The following DPYD variants were observed in gnomAD, a reference collection of about 807,000 sequenced individuals.
The protein encoded by DPYD is dihydropyrimidine dehydrogenase [NADP(+)].
DPYD carries 109 observed loss-of-function variants against 116.2 expected under a neutral mutation model. That is an observed-to-expected ratio of 0.94 (90% CI 0.80 to 1.10). The LOEUF is 1.10. DPYD is among the 50% of genes least tolerant of loss of function. The pLI is 0.00. For missense variants in DPYD, 1,302 were observed against 1,254.5 expected (o/e 1.04, Z -0.57); for synonymous variants, 440 against 432.0 (o/e 1.02, Z -0.23).
rs754745863 is a variant in DPYD at position 97,679,174 on chromosome 1, G to A, written c.771C>T (p.Cys257=). The A allele has an allele frequency of 5.3e-5, 82 of 1,553,110 alleles. No homozygotes were observed. The highest frequency in any genetic ancestry group is 4.1e-4 in the East Asian group (18 of 44,092). ...TTTCATTCACTGAAAGGCTTTTACC[G>A]CAAATTATCTATAAGAAACAATATT... ...LMKDLGVKII[C]GKSLSVNEMT... is the part of the protein sequence containing the mutation. Residue 257 remains cysteine (C), a synonymous_variant, in exon 8 of 23, where the codon TGC becomes TGT. Coordinates refer to ENST00000370192, the MANE Select transcript of DPYD (RefSeq NM_000110.4).
intron 2 of DPYD, among the ~76,000 whole-genome samples, chr1:97,865,569 T>A (rs1316675329): frequency 6.6e-6 from 1 of 151,966 alleles, no homozygotes; most frequent in Non-Finnish European, 1.5e-5. Context: ...CACAGTTCCA[T>A]TCTTCTCACA....
chr1:97,520,226 C>CA (rs992940699), intron 12 of DPYD, among the ~76,000 whole-genome samples: 1 of 151,844 alleles, frequency 6.6e-6, no homozygotes, highest in African/African-American at 2.4e-5. Flanking sequence ...CATTTATATG[C>CA]AAAAAAATAC....
intron 1 of DPYD, among the ~76,000 whole-genome samples, chr1:97,892,439 A>G (rs1200547060): frequency 6.6e-6 from 1 of 151,818 alleles, no homozygotes; most frequent in Admixed American, 6.6e-5. Context: ...TCACAAAGGT[A>G]TCTTTGGTTC....
chr1:97,090,942 A>T (rs1241650675), intron 21 of DPYD, among the ~76,000 whole-genome samples: 3 of 152,194 alleles, frequency 2.0e-5, no homozygotes, highest in Middle Eastern at 3.2e-3. Flanking sequence ...TGATTGACTG[A>T]TATTGAAACT....
intron 3 of DPYD, among the ~76,000 whole-genome samples, chr1:97,778,928 T>A (rs1025337868): frequency 6.6e-6 from 1 of 152,250 alleles, no homozygotes; most frequent in Middle Eastern, 3.4e-3. Flanking sequence ...ATGGTTAGCA[T>A]TGAAACATAC....
chr1:97,899,551 T>C (rs1258505985), intron 1 of DPYD, among the ~76,000 whole-genome samples: 2 of 151,872 alleles, frequency 1.3e-5, no homozygotes, highest in Non-Finnish European at 2.9e-5. Context: ...GAGGTGGTCT[T>C]GGAACCCCCA....
chr1:97,567,322 CT>C (rs112076507), intron 11 of DPYD, among the ~76,000 whole-genome samples: 66 of 147,762 alleles, frequency 4.5e-4, no homozygotes, highest in East Asian at 3.6e-3. Flanking sequence ...ATTTAAAAAC[CT>C]TTTTTTTTTT....
chr1:97,707,687 G>A (rs142103605), intron 5 of DPYD, among the ~76,000 whole-genome samples: 7 of 152,038 alleles, frequency 4.6e-5, no homozygotes, highest in Admixed American at 3.9e-4. Flanking sequence ...GTAGCAAACT[G>A]AGCAGACTAA....
At chr1:97,702,037 C>T (rs984115583) in intron 5 of DPYD, among the ~76,000 whole-genome samples, 3 of 151,658 alleles carry the variant, frequency 2.0e-5, no homozygotes, top group African/African-American at 4.8e-5. Context: ...CTTCCCTGTG[C>T]TATCCAAACA....
At chr1:97,371,928 C>A (rs763262163) in intron 16 of DPYD, among the ~76,000 whole-genome samples, 1 of 152,050 alleles carries the variant, frequency 6.6e-6, no homozygotes, top group Non-Finnish European at 1.5e-5. Context: ...TTAATGATAT[C>A]TCTGATTGCA....
intron 7 of DPYD, among the ~76,000 whole-genome samples, chr1:97,690,991 T>TA (rs533261997): frequency 6.4e-4 from 98 of 152,286 alleles, no homozygotes; most frequent in African/African-American, 2.2e-3. Context: ...TGCATATACT[T>TA]ACAGCATGTA....
chr1:97,127,238 C>T (rs763991787), intron 20 of DPYD, among the ~76,000 whole-genome samples: 6 of 152,100 alleles, frequency 3.9e-5, no homozygotes, highest in South Asian at 4.1e-4. Context: ...AAGAGGAAAA[C>T]AGAACATGGA....
intron 5 of DPYD, chr1:97,700,321 C>A (rs1001075696): frequency 2.2e-5 from 10 of 454,562 alleles, no homozygotes; most frequent in African/African-American, 1.0e-4. Context: ...AAATAAAGTA[C>A]AGAAGAGTGA....
intron 11 of DPYD, among the ~76,000 whole-genome samples, chr1:97,565,162 T>C (rs1652428776): frequency 6.6e-6 from 1 of 152,142 alleles, no homozygotes; most frequent in Non-Finnish European, 1.5e-5. Flanking sequence ...GATCATACCC[T>C]GTGACTGAAT....
At chr1:97,173,258 A>T (rs138068166) in intron 20 of DPYD, among the ~76,000 whole-genome samples, 113 of 147,822 alleles carry the variant, frequency 7.6e-4, no homozygotes, top group African/African-American at 2.8e-3. Flanking sequence ...ACATATATGC[A>T]CACATATGTA....
chr1:97,899,105 T>TG lies in DPYD; in HGVS notation c.40-15732_40-15731insC, dbSNP rs1461338711. On this transcript the variant is annotated intron_variant, in intron 1 of 22. Transcript: ENST00000370192. Reference sequence around the variant, plus strand: ...CAGACAAGAGTGTTTTGTTTTGTTTTTTTTTTTAATGCCAAAGGCCTTGGG... The same window carrying TG: ...CAGACAAGAGTGTTTTGTTTTGTTTTGTTTTTTTAATGCCAAAGGCCTTGGG... 5.3e-5 allele frequency among the ~76,000 whole-genome samples: 8 copies of TG among 151,718 alleles called. No individual in the cohort carries two copies. The East Asian group carries it at 7.8e-4, about 15-fold the overall frequency.
At chr1:97,741,957 T>G (rs1277114865) in intron 3 of DPYD, among the ~76,000 whole-genome samples, 2 of 151,976 alleles carry the variant, frequency 1.3e-5, no homozygotes, top group Non-Finnish European at 2.9e-5. Context: ...GAGTGCAGGG[T>G]CACTCAGGAT....
rs972758617 is a variant in DPYD, at chr1:97,540,851, C to T, written c.1524+8709G>A. On this transcript the variant is annotated intron_variant, in intron 12 of 22. Coordinates refer to ENST00000370192, the MANE Select transcript of DPYD (RefSeq NM_000110.4). ...GTCAACTCATTAGCATACACACACACACACATACTCATCACTTTGGAGATT... is the reference window on the plus strand; with the variant it reads ...GTCAACTCATTAGCATACACACACATACACATACTCATCACTTTGGAGATT... 2.0e-5 allele frequency among the ~76,000 whole-genome samples: 3 copies of T among 152,188 alleles called. No homozygotes were observed. The East Asian group carries it at 5.8e-4, about 29-fold the overall frequency.
At chr1:97,118,901 G>A (rs1652198679) in intron 20 of DPYD, among the ~76,000 whole-genome samples, 1 of 152,080 alleles carries the variant, frequency 6.6e-6, no homozygotes, top group Non-Finnish European at 1.5e-5. Flanking sequence ...GATGTTGAAT[G>A]AGTAAATTAC....
Sources: gnomAD v4.1 joint callset for allele counts (sites outside exome capture counted in the v4.1 genomes callset) on GRCh38, gnomAD v4.1.1 for gene constraint, MANE v1.5 for transcripts, NCBI Gene and HGNC (gene_info 2026-07-23, HGNC 2026-07-21) for gene names.